Variants in GABRA3 observed in about 807,000 individuals in gnomAD.
The protein encoded by GABRA3 is gamma-aminobutyric acid type A receptor subunit alpha3, also known as gamma-aminobutyric acid receptor subunit alpha-3.
Under a neutral mutation model 30.1 loss-of-function variants are expected in GABRA3, and 10 were observed. The ratio of observed to expected loss-of-function variants is 0.33; its 90% confidence interval spans 0.20 to 0.56. The LOEUF is 0.56. Among genes scored for constraint, GABRA3 ranks in the 20% least tolerant of loss-of-function variants. The pLI, the probability that GABRA3 is intolerant of heterozygous loss-of-function variation, is 0.89. For synonymous variants in GABRA3, 151 were observed against 146.8 expected, an observed-to-expected ratio of 1.03 and a Z score of -0.21; for missense variants, 233 against 392.0, an observed-to-expected ratio of 0.59 and a Z score of 3.42.
chrX:152,176,549 G>C (rs1937077826), intron 9 of GABRA3, among the ~76,000 whole-genome samples: 1 of 111,253 alleles, frequency 9.0e-6, no homozygotes, highest in African/African-American at 3.3e-5. Context: ...AAAAATAAAA[G>C]AATTAAGAAT....
At chrX:152,262,463 A>T (rs1330229874) in intron 4 of GABRA3, among the ~76,000 whole-genome samples, 1 of 111,885 alleles carries the variant, frequency 8.9e-6, no homozygotes, top group South Asian at 3.7e-4. Context: ...ACCCTAAATC[A>T]TCTCTTTCAA....
At chrX:152,440,871 G>A (rs777774334) in intron 1 of GABRA3, among the ~76,000 whole-genome samples, 1 of 110,742 alleles carries the variant, frequency 9.0e-6, no homozygotes, top group Non-Finnish European at 1.9e-5. Flanking sequence ...CAGGGGGTGG[G>A]AGGCTAGGGG....
chrX:152,321,831 C>G (rs1387271639), intron 3 of GABRA3, among the ~76,000 whole-genome samples: 3 of 110,926 alleles, frequency 2.7e-5, no homozygotes, highest in Non-Finnish European at 3.8e-5. Context: ...ACCTTCATGT[C>G]AAACATGCTG....
intron 2 of GABRA3, among the ~76,000 whole-genome samples, chrX:152,347,374 G>A (rs1940407403): frequency 9.0e-6 from 1 of 111,624 alleles, no homozygotes; most frequent in Non-Finnish European, 1.9e-5. Context: ...GGAAAGTGGG[G>A]ATGGTTAATG....
rs1940383493 is a variant in GABRA3 at position 152,345,772 on chromosome X, C to T, written c.141-70G>A. On this transcript the variant is annotated intron_variant, in intron 2 of 9. Transcript: ENST00000370314. ...GGAAAAAAAATACATGACTAGATAT[C>T]GTAATTCAAGATTTCAATTAATAGA... 6 of 996,761 alleles carry T rather than the reference C, an allele frequency of 6.0e-6. No individual in the cohort carries two copies. The South Asian group carries it at 7.8e-5, about 13-fold the overall frequency. 82.1% of individuals were successfully genotyped at this position (996,761 alleles called of 1,213,427 possible). A position where few individuals can be genotyped will look rare whatever the true frequency, so the allele number is the denominator to read the frequency against.
chrX:152,398,277 TGGGCTCTACAGCCC>T (rs1929711608), intron 1 of GABRA3, among the ~76,000 whole-genome samples: 3 of 92,919 alleles, frequency 3.2e-5, no homozygotes, highest in African/African-American at 7.9e-5. Context: ...TTTTTTTTTT[TGGGCTCTACAGCCC>T]TGTTCTGTTC....
chrX:152,238,418 C>T (rs1879365630), intron 5 of GABRA3, among the ~76,000 whole-genome samples: 2 of 106,525 alleles, frequency 1.9e-5, no homozygotes, highest in Non-Finnish European at 3.9e-5. Flanking sequence ...AGGATTTTTG[C>T]ATCATTGTTC....
intron 9 of GABRA3, among the ~76,000 whole-genome samples, chrX:152,185,078 A>G (rs972894715): frequency 2.7e-5 from 3 of 112,030 alleles, no homozygotes; most frequent in African/African-American, 9.7e-5. Context: ...TTTAGGAAGC[A>G]AAAAGGTTTA....
chrX:152,285,314 C>T (rs1179563513), intron 3 of GABRA3, among the ~76,000 whole-genome samples: 3 of 111,925 alleles, frequency 2.7e-5, no homozygotes, highest in African/African-American at 9.7e-5. Flanking sequence ...GGAGCACTGC[C>T]CTGGAGAGTT....
chrX:152,317,517 T>C (rs1939896482), intron 3 of GABRA3, among the ~76,000 whole-genome samples: 1 of 111,601 alleles, frequency 9.0e-6, no homozygotes, highest in African/African-American at 3.3e-5. Flanking sequence ...AGAATAAACA[T>C]TCTATTTATC....
intron 3 of GABRA3, 150 bp from the exon 4 acceptor site, chrX:152,284,885 CA>C (rs1939265203): frequency 3.0e-6 from 1 of 334,999 alleles, no homozygotes. Context: ...GCTATCTCTT[CA>C]CAGGGAACAT....
chrX:152,352,872 C>A (rs1458442464), intron 2 of GABRA3, among the ~76,000 whole-genome samples: 2 of 110,890 alleles, frequency 1.8e-5, no homozygotes, highest in Non-Finnish European at 1.9e-5. Flanking sequence ...TTCTGACCAC[C>A]AATCACAGGC....
intron 9 of GABRA3, among the ~76,000 whole-genome samples, chrX:152,175,303 A>G (rs1323807691): frequency 9.2e-6 from 1 of 108,152 alleles, no homozygotes; most frequent in Non-Finnish European, 1.9e-5. Context: ...GTGACTAGGG[A>G]GGTCAAGAGT....
At chrX:152,245,690 A>G (rs1427571213) in intron 5 of GABRA3, among the ~76,000 whole-genome samples, 1 of 111,867 alleles carries the variant, frequency 8.9e-6, no homozygotes, top group Non-Finnish European at 1.9e-5. Context: ...TGCCTGGAAT[A>G]CCCTTTCCTT....
At chrX:152,334,099 C>T (rs1254632043) in intron 3 of GABRA3, among the ~76,000 whole-genome samples, 1 of 111,824 alleles carries the variant, frequency 8.9e-6, no homozygotes, top group Non-Finnish European at 1.9e-5. Flanking sequence ...ACTGTGTCAA[C>T]ACACTAAAAA....
chrX:152,392,357 A>C (rs1929512002), intron 1 of GABRA3: 3 of 365,539 alleles, frequency 8.2e-6, no homozygotes, highest in Admixed American at 2.7e-5. Flanking sequence ...CTGAGGACGA[A>C]GAAGGAGGCA....
chrX:152,230,144 T>G (rs917501578), intron 5 of GABRA3, among the ~76,000 whole-genome samples: 1 of 111,740 alleles, frequency 8.9e-6, no homozygotes, highest in African/African-American at 3.2e-5. Context: ...GTGACTAAAA[T>G]GTTCTGAAAT....
At chrX:152,303,863 G>A (rs751552953) in intron 3 of GABRA3, among the ~76,000 whole-genome samples, 2 of 111,030 alleles carry the variant, frequency 1.8e-5, no homozygotes, top group Admixed American at 9.6e-5. Flanking sequence ...TAACGCATGT[G>A]GGGCTTAAAA....
chrX:152,435,596 G>A (rs1053499454), intron 1 of GABRA3, among the ~76,000 whole-genome samples: 2 of 108,864 alleles, frequency 1.8e-5, no homozygotes, highest in Non-Finnish European at 1.9e-5. Flanking sequence ...GGCCTGTCAG[G>A]GGGTGGGGGG....
Sources: gnomAD v4.1 joint callset for allele counts (sites outside exome capture counted in the v4.1 genomes callset) on GRCh38, gnomAD v4.1.1 for gene constraint, MANE v1.5 for transcripts, NCBI Gene and HGNC (gene_info 2026-07-23, HGNC 2026-07-21) for gene names.